Variants in AGBL1 observed in about 807,000 individuals in gnomAD.
AGBL1 encodes the protein AGBL carboxypeptidase 1.
In AGBL1, 130 loss-of-function variants were observed where a neutral mutation model predicts 118.9. The observed-to-expected ratio is 1.09, with a 90% CI of 0.95 to 1.26. The LOEUF (loss-of-function observed/expected upper bound fraction) is 1.26. Ranked by LOEUF, AGBL1 falls within the 50% of genes most tolerant of loss-of-function variation. The probability of loss-of-function intolerance (pLI) is 0.00; values close to 1 mark genes in which losing one functional copy is unlikely to be tolerated. For synonymous variants in AGBL1, 555 were observed against 478.9 expected (o/e 1.16, Z -2.08); for missense variants, 1,584 against 1,298.1 (o/e 1.22, Z -3.38).
At chr15:86,502,082 C>T (rs2082923963) in intron 18 of AGBL1, among the ~76,000 whole-genome samples, 1 of 151,570 alleles carries the variant, frequency 6.6e-6, no homozygotes, top group Admixed American at 6.6e-5. Context: ...TACAGGATAT[C>T]TTACATTTGT....
chr15:86,866,999 G>GGCATGA (rs1423292321), intron 22 of AGBL1, among the ~76,000 whole-genome samples: 21 of 152,274 alleles, frequency 1.4e-4, no homozygotes, highest in African/African-American at 5.1e-4. Context: ...TGTCTGCAAG[G>GGCATGA]GCATGAGTTG....
intron 18 of AGBL1, among the ~76,000 whole-genome samples, chr15:86,475,141 G>A (rs754837545): frequency 2.0e-5 from 3 of 152,154 alleles, no homozygotes; most frequent in Non-Finnish European, 4.4e-5. Context: ...GAGCAGAAAA[G>A]CTGAAAATTC....
rs1316489720 is a variant in AGBL1, at chr15:86,285,571, C to T, written c.2220+5788C>T. Among the ~76,000 whole-genome samples the T allele has an allele frequency of 5.3e-5, 8 of 152,058 alleles. No homozygotes were observed. In the South Asian group the frequency reaches 1.2e-3, roughly 24 times the overall value. Reference sequence around the variant, plus strand: ...CCTTTGCTGTTCTTTCACCTTCTGCCGTGATTGCGAGGCCTCTCCAGCCAC... The same window carrying T: ...CCTTTGCTGTTCTTTCACCTTCTGCTGTGATTGCGAGGCCTCTCCAGCCAC... On this transcript the variant is annotated intron_variant, in intron 16 of 22. Coordinates refer to ENST00000614907, the MANE Select transcript of AGBL1 (RefSeq NM_001386094.1).
intron 17 of AGBL1, among the ~76,000 whole-genome samples, chr15:86,360,287 C>A (rs998226311): frequency 2.0e-5 from 3 of 147,842 alleles, no homozygotes; most frequent in African/African-American, 7.4e-5. Context: ...TGTTTTTTGG[C>A]ATCTACTGAT....
intron 21 of AGBL1, among the ~76,000 whole-genome samples, chr15:86,606,126 C>CAAAAAAAAAAAAAA (rs10675845): frequency 8.8e-4 from 85 of 96,780 alleles, no homozygotes; most frequent in African/African-American, 2.4e-3. Context: ...GACTCCATCT[C>CAAAAAAAAAAAAAA]AAAAAAAAAA....
intron 15 of AGBL1, among the ~76,000 whole-genome samples, chr15:86,273,135 T>C (rs1471094744): frequency 8.1e-6 from 1 of 124,068 alleles, no homozygotes; most frequent in African/African-American, 3.4e-5. Context: ...CATTTCCTAA[T>C]GGGATATATA....
chr15:86,734,170 G>A lies in AGBL1; in HGVS notation c.3158+59734G>A, dbSNP rs142835846. Among the ~76,000 whole-genome samples, 329 of 152,254 alleles carry A rather than the reference G, an allele frequency of 2.2e-3. 1 individual carries two copies. The highest frequency in any genetic ancestry group is 7.5e-3 in the African/African-American group (310 of 41,544). ...ACAGCCATATCTGTTTTGACCCAAG[G>A]CACTTACGTTCTTAAATGTTATGAA... On this transcript the variant is annotated intron_variant, in intron 22 of 22. Transcript: ENST00000614907.
At chr15:86,671,992 A>C (rs2085754058) in intron 21 of AGBL1, among the ~76,000 whole-genome samples, 1 of 152,202 alleles carries the variant, frequency 6.6e-6, no homozygotes, top group Non-Finnish European at 1.5e-5. Context: ...AAATATATTT[A>C]GCCCAGGAGT....
intron 17 of AGBL1, among the ~76,000 whole-genome samples, chr15:86,354,715 T>C (rs2141907717): frequency 6.6e-6 from 1 of 152,334 alleles, no homozygotes; most frequent in East Asian, 1.9e-4. Context: ...CCTAATCCCT[T>C]AATTCTGTGA....
Position 86,602,953 on chromosome 15 carries a change from C to T in AGBL1, c.2994+48416C>T, listed in dbSNP as rs562497404. On this transcript the variant is annotated intron_variant, in intron 21 of 22. Transcript: ENST00000614907. ...TAGTGACACCTCTTAAATCAGGCCT[C>T]TCACCCTGGCTGCTGACATGTTGTT... Among the ~76,000 whole-genome samples the T allele has an allele frequency of 3.6e-4, 55 of 152,264 alleles. 1 individual carries two copies. Among genetic ancestry groups the T allele is most frequent in the Admixed American group, 3.3e-3 (50 of 15,286 alleles).
intron 22 of AGBL1, among the ~76,000 whole-genome samples, chr15:86,789,111 G>A (rs1286983142): frequency 6.6e-6 from 1 of 152,188 alleles, no homozygotes; most frequent in Non-Finnish European, 1.5e-5. Flanking sequence ...ATCCATTACT[G>A]TGTCTAATTA....
rs28628549 is a variant in AGBL1, at chr15:86,272,517, C to T, written c.2075+811C>T. ...TTTCATCTCTTTCTGAAATTACTAG[C>T]GGCCTCTAAAAAAGTATGATCAGAC... On this transcript the variant is annotated intron_variant, in intron 15 of 22. Transcript: ENST00000614907. 2.0e-3 allele frequency among the ~76,000 whole-genome samples: 301 copies of T among 152,224 alleles called. 1 individual carries two copies. The highest frequency in any genetic ancestry group is 6.9e-3 in the African/African-American group (286 of 41,526).
intron 22 of AGBL1, among the ~76,000 whole-genome samples, chr15:86,734,839 A>T (rs554195047): frequency 1.3e-5 from 2 of 152,152 alleles, no homozygotes; most frequent in South Asian, 4.1e-4. Flanking sequence ...GCCTTTCCTT[A>T]CATTTCTGCC....
chr15:86,429,316 T>C (rs1330341073), intron 18 of AGBL1, among the ~76,000 whole-genome samples: 1 of 152,210 alleles, frequency 6.6e-6, no homozygotes, highest in African/African-American at 2.4e-5. Flanking sequence ...CAAAACTCCA[T>C]GGGATGGGCC....
chr15:86,966,485 C>T (rs112838147), intron 23 of AGBL1, among the ~76,000 whole-genome samples: 5,935 of 152,130 alleles, frequency 0.039, 155 homozygotes, highest in Middle Eastern at 0.071. Context: ...CTCCCACCAC[C>T]CCACCACAGG....
At chr15:86,324,909 A>G (rs972665220) in intron 17 of AGBL1, among the ~76,000 whole-genome samples, 1 of 152,186 alleles carries the variant, frequency 6.6e-6, no homozygotes, top group Non-Finnish European at 1.5e-5. Flanking sequence ...TGAGGAGACC[A>G]TGTAGCAGGA....
At chr15:86,824,550 C>A (rs974090575) in intron 22 of AGBL1, among the ~76,000 whole-genome samples, 1 of 21,150 alleles carries the variant, frequency 4.7e-5, no homozygotes, top group Non-Finnish European at 7.9e-5. Flanking sequence ...CTATCAAAAT[C>A]CCAGGAAGTT....
At chr15:87,020,821 A>T (rs2570105) in intron 24 of AGBL1, among the ~76,000 whole-genome samples, 58,397 of 151,898 alleles carry the variant, frequency 0.38, 11,747 homozygotes, top group East Asian at 0.51. Context: ...AAGGAGAACT[A>T]CAAACCACTG....
At chr15:86,448,796 A>G (rs572943560) in intron 18 of AGBL1, among the ~76,000 whole-genome samples, 1 of 152,296 alleles carries the variant, frequency 6.6e-6, no homozygotes, top group African/African-American at 2.4e-5. Flanking sequence ...TAATTATGAA[A>G]TGTTTAACCT....
Sources: gnomAD v4.1 joint callset for allele counts (sites outside exome capture counted in the v4.1 genomes callset) on GRCh38, gnomAD v4.1.1 for gene constraint, MANE v1.5 for transcripts, NCBI Gene and HGNC (gene_info 2026-07-23, HGNC 2026-07-21) for gene names.